BAZ2B: variants seen among roughly 807,000 people sequenced by gnomAD.
BAZ2B encodes bromodomain adjacent to zinc finger domain 2B.
In BAZ2B, 91 loss-of-function variants were observed where a neutral mutation model predicts 246.0. That is an observed-to-expected ratio of 0.37 (90% CI 0.31 to 0.44). The LOEUF (loss-of-function observed/expected upper bound fraction) is 0.44, where lower values mean the gene tolerates loss of function less well. Ranked by LOEUF, BAZ2B falls within the 20% of genes least tolerant of loss-of-function variation. The probability of loss-of-function intolerance (pLI) is 1.00; values close to 1 mark genes in which losing one functional copy is unlikely to be tolerated. For missense variants in BAZ2B, 2,332 were observed against 2,533.7 expected (o/e 0.92, Z 1.71); for synonymous variants, 855 against 860.0 (o/e 0.99, Z 0.10).
chr2:159,660,480 T>C, the BAZ2B span, among the ~76,000 whole-genome samples: 1 of 152,238 alleles, frequency 6.6e-6, no homozygotes, highest in Non-Finnish European at 1.5e-5. Flanking sequence ...TACCTAGTTG[T>C]AGATGTGATG....
chr2:159,689,847 G>T, the BAZ2B span: 1 of 485,762 alleles, frequency 2.1e-6, no homozygotes, highest in Non-Finnish European at 3.7e-6. Context: ...TGGCAGAATT[G>T]CTGGTACTGA....
chr2:159,565,155 G>A (rs1440720767), intron 1 of BAZ2B, among the ~76,000 whole-genome samples: 1 of 152,200 alleles, frequency 6.6e-6, no homozygotes, highest in African/African-American at 2.4e-5. Context: ...ACAGGCGTGA[G>A]CCACCATGCC....
intron 3 of BAZ2B, chr2:159,458,911 C>A (rs2076101188): frequency 6.6e-6 from 1 of 152,114 alleles, no homozygotes. Flanking sequence ...GCAAAAACTG[C>A]ATCTTATTTA....
At chr2:159,505,035 T>C (rs1352672942) in intron 2 of BAZ2B, among the ~76,000 whole-genome samples, 3 of 152,198 alleles carry the variant, frequency 2.0e-5, no homozygotes, top group African/African-American at 7.2e-5. Flanking sequence ...TTAATCTTGA[T>C]GGACAAAGAA....
At chr2:159,701,777 G>A in the BAZ2B span, among the ~76,000 whole-genome samples, 1 of 150,874 alleles carries the variant, frequency 6.6e-6, no homozygotes, top group Non-Finnish European at 1.5e-5. Flanking sequence ...CACCCAGGAT[G>A]GAGTGCAGTG....
intron 2 of BAZ2B, among the ~76,000 whole-genome samples, chr2:159,529,406 A>T (rs1377166458): frequency 1.3e-5 from 2 of 152,050 alleles, no homozygotes; most frequent in Admixed American, 1.3e-4. Flanking sequence ...AACTCTAGCC[A>T]TCCTGATTTC....
rs2083287065 is a variant in BAZ2B, at chr2:159,515,011, T to A, written c.-2-36290A>T. ...TAAGCATTATGTGAAAGAAACTACC[T>A]TAATTCTTTCAACAAAAGAAGGAGT... On this transcript the variant is annotated intron_variant, in intron 2 of 36. Transcript: ENST00000392783. 2.0e-5 allele frequency among the ~76,000 whole-genome samples: 3 copies of A among 152,030 alleles called. No homozygotes were observed. In the South Asian group the frequency reaches 6.2e-4, roughly 31 times the overall value.
intron 35 of BAZ2B, 136 bp from the exon 36 acceptor site, chr2:159,325,090 T>G (rs2063401444): frequency 5.2e-4 from 1 of 1,920 alleles, no homozygotes; most frequent in Non-Finnish European, 9.8e-4. Context: ...TATATATATA[T>G]ATTATATATA....
the BAZ2B span, among the ~76,000 whole-genome samples, chr2:159,644,749 A>G: frequency 3.3e-5 from 5 of 152,226 alleles, no homozygotes; most frequent in Admixed American, 6.5e-5. Flanking sequence ...AGATTGACGA[A>G]TACACCCAGG....
intron 21 of BAZ2B, among the ~76,000 whole-genome samples, chr2:159,388,142 TAAAAA>T (rs922536218): frequency 2.0e-5 from 3 of 151,414 alleles, no homozygotes; most frequent in South Asian, 2.1e-4. Context: ...TAAAATAAAA[TAAAAA>T]AAGAGCTTAC....
intron 3 of BAZ2B, chr2:159,462,691 C>G (rs2076559268): frequency 7.5e-7 from 1 of 1,340,436 alleles, no homozygotes; most frequent in African/African-American, 1.4e-5. Context: ...GCACTCCAAC[C>G]ACCTGGGCTG....
chr2:159,377,705 C>G (rs547196215), intron 25 of BAZ2B, among the ~76,000 whole-genome samples: 1 of 150,252 alleles, frequency 6.7e-6, no homozygotes, highest in African/African-American at 2.5e-5. Flanking sequence ...CCCAGCTACT[C>G]GGGAGGCTGA....
the BAZ2B span, chr2:159,695,370 G>A: frequency 3.1e-4 from 47 of 151,486 alleles, no homozygotes; most frequent in African/African-American, 1.1e-3. Flanking sequence ...TACTTTATGA[G>A]GTCCAATTTA....
the BAZ2B span, among the ~76,000 whole-genome samples, chr2:159,633,194 T>A: frequency 1.3e-5 from 2 of 151,506 alleles, no homozygotes; most frequent in African/African-American, 4.9e-5. Context: ...TCCCAGAAAG[T>A]CTATTTTTAA....
chr2:159,644,688 C>G, the BAZ2B span, among the ~76,000 whole-genome samples: 4 of 152,340 alleles, frequency 2.6e-5, no homozygotes, highest in Admixed American at 1.3e-4. Flanking sequence ...TCAGTTCAAA[C>G]TGGCAGTGTC....
At chr2:159,589,741 C>T (rs191392054) in intron 1 of BAZ2B, among the ~76,000 whole-genome samples, 2 of 152,138 alleles carry the variant, frequency 1.3e-5, no homozygotes, top group African/African-American at 4.8e-5. Context: ...AATCCATAAA[C>T]AAATATACAT....
the BAZ2B span, among the ~76,000 whole-genome samples, chr2:159,643,616 T>C: frequency 6.6e-6 from 1 of 152,276 alleles, no homozygotes; most frequent in South Asian, 2.1e-4. Context: ...GGCTCATGCC[T>C]GTAATCCCAG....
intron 8 of BAZ2B, 134 bp from the exon 9 acceptor site, chr2:159,433,497 T>C: frequency 1.3e-6 from 1 of 795,378 alleles, no homozygotes; most frequent in Non-Finnish European, 1.9e-6. Flanking sequence ...ATACAAATGC[T>C]GTAAAAGTAG....
chr2:159,416,717 C>T (rs780614312), intron 13 of BAZ2B, among the ~76,000 whole-genome samples: 5 of 152,138 alleles, frequency 3.3e-5, no homozygotes, highest in Non-Finnish European at 5.9e-5. Flanking sequence ...ACTTAGCAGA[C>T]AAATATAGTG....
Sources: gnomAD v4.1 joint callset for allele counts (sites outside exome capture counted in the v4.1 genomes callset) on GRCh38, gnomAD v4.1.1 for gene constraint, MANE v1.5 for transcripts, NCBI Gene and HGNC (gene_info 2026-07-23, HGNC 2026-07-21) for gene names.